CHN2: variants seen among roughly 807,000 people sequenced by gnomAD.
CHN2 encodes the protein chimerin 2, also known as beta-chimaerin.
A neutral mutation model predicts 56.3 loss-of-function variants in CHN2; 35 were observed. The ratio of observed to expected loss-of-function variants is 0.62; its 90% confidence interval spans 0.47 to 0.82. The LOEUF (loss-of-function observed/expected upper bound fraction) is 0.82, where lower values mean the gene tolerates loss of function less well. Ranked by LOEUF, CHN2 falls within the 40% of genes least tolerant of loss-of-function variation. CHN2 has a pLI of 0.00. For synonymous variants in CHN2, 210 were observed against 212.8 expected (o/e 0.99, Z 0.12); for missense variants, 491 against 580.5 (o/e 0.85, Z 1.58).
intron 1 of CHN2, chr7:29,195,595 C>CGAGAGAGAGAGAGAGAGAGAGAGAGA (rs757764659): frequency 3.7e-4 from 36 of 96,086 alleles, no homozygotes; most frequent in Non-Finnish European, 4.6e-4. Context: ...GGCACATTTA[C>CGAGAGAGAGAGAGAGAGAGAGAGAGA]GAGAGAGAGA....
chr7:29,319,735 C>G (rs1167001413), intron 1 of CHN2, among the ~76,000 whole-genome samples: 1 of 152,154 alleles, frequency 6.6e-6, no homozygotes, highest in Non-Finnish European at 1.5e-5. Context: ...CCATGGGTGC[C>G]TGAGGCTGTC....
intron 6 of CHN2, among the ~76,000 whole-genome samples, chr7:29,423,974 T>C (rs1804596637): frequency 6.6e-6 from 1 of 152,224 alleles, no homozygotes. Context: ...AGGACCATTC[T>C]TCTGCCTCCC....
At chr7:29,208,202 C>A (rs1400849002) in intron 1 of CHN2, among the ~76,000 whole-genome samples, 1 of 152,126 alleles carries the variant, frequency 6.6e-6, no homozygotes, top group African/African-American at 2.4e-5. Context: ...CCCTGGGTAG[C>A]CACTTTTTGG....
At chr7:29,164,908 A>G (rs539827000) in intron 2 of CHN2, among the ~76,000 whole-genome samples, 159 of 151,974 alleles carry the variant, frequency 1.0e-3, no homozygotes, top group Non-Finnish European at 1.8e-3. Context: ...ATCTTTGTAT[A>G]TCTATCATTA....
intron 1 of CHN2, among the ~76,000 whole-genome samples, chr7:29,322,832 G>A (rs776027333): frequency 1.1e-4 from 16 of 152,152 alleles, no homozygotes; most frequent in Non-Finnish European, 2.1e-4. Context: ...AATGGGGAAC[G>A]ACCTACCTCC....
At chr7:29,482,809 T>C (rs1362918764) in intron 7 of CHN2, among the ~76,000 whole-genome samples, 5 of 19,662 alleles carry the variant, frequency 2.5e-4, no homozygotes, top group South Asian at 5.7e-3. Context: ...TTTTTTTTTT[T>C]TTTTTTTTTT....
intron 6 of CHN2, among the ~76,000 whole-genome samples, chr7:29,417,211 G>A (rs1803849216): frequency 6.6e-6 from 1 of 151,904 alleles, no homozygotes; most frequent in Non-Finnish European, 1.5e-5. Context: ...GTATTTCCAA[G>A]GTACTTCATC....
Position 29,512,765 on chromosome 7 carries a change from A to G in CHN2, c.*30A>G. ...TCAGGGAAATGAGCTGAATGGCCCC[A>G]GCACCATCCAAGTTGACACAGCTAA... On this transcript the variant is annotated 3_prime_UTR_variant, in exon 13 of 13. Transcript: ENST00000222792. The G allele has an allele frequency of 6.3e-7, 1 of 1,593,614 alleles. No homozygotes were observed. Among genetic ancestry groups the G allele is most frequent in the Non-Finnish European group, 8.5e-7 (1 of 1,171,030 alleles).
At chr7:29,343,418 A>G (rs1797193549) in intron 1 of CHN2, among the ~76,000 whole-genome samples, 1 of 151,860 alleles carries the variant, frequency 6.6e-6, no homozygotes, top group Non-Finnish European at 1.5e-5. Flanking sequence ...TATTGCCACC[A>G]TTTGCTTTCA....
chr7:29,438,059 A>C (rs776936744), intron 6 of CHN2, among the ~76,000 whole-genome samples: 1 of 152,208 alleles, frequency 6.6e-6, no homozygotes, highest in Non-Finnish European at 1.5e-5. Context: ...TGTAGATTTG[A>C]GAGTGGAACA....
At chr7:29,198,654 T>A (rs1783924123) in intron 1 of CHN2, among the ~76,000 whole-genome samples, 1 of 152,230 alleles carries the variant, frequency 6.6e-6, no homozygotes, top group African/African-American at 2.4e-5. Context: ...AAGCTTCTAA[T>A]TTAGCCTGTG....
At chr7:29,353,489 A>C (rs1798040943) in intron 1 of CHN2, among the ~76,000 whole-genome samples, 2 of 152,180 alleles carry the variant, frequency 1.3e-5, no homozygotes, top group South Asian at 4.1e-4. Flanking sequence ...TGCCGTCTCA[A>C]CCAAAACTAT....
intron 1 of CHN2, among the ~76,000 whole-genome samples, chr7:29,350,398 C>T (rs1312954392): frequency 6.6e-6 from 1 of 152,088 alleles, no homozygotes; most frequent in Non-Finnish European, 1.5e-5. Context: ...GTTGGAGGCA[C>T]TAAAGATTAG....
intron 1 of CHN2, among the ~76,000 whole-genome samples, chr7:29,252,514 C>T (rs1387401560): frequency 1.4e-5 from 2 of 145,138 alleles, no homozygotes; most frequent in Non-Finnish European, 3.0e-5. Context: ...ACGAGATAGT[C>T]TGTAAGTACT....
intron 1 of CHN2, among the ~76,000 whole-genome samples, chr7:29,312,812 T>C (rs1486345463): frequency 6.6e-6 from 1 of 152,148 alleles, no homozygotes; most frequent in Non-Finnish European, 1.5e-5. Context: ...AATGGAGTCT[T>C]ACAGGAATAG....
At position 29,513,621 on chromosome 7, in the gene CHN2, C is replaced by G. The variant is rs572284860; in HGVS notation, c.*886C>G. On this transcript the variant is annotated 3_prime_UTR_variant, in exon 13 of 13. Transcript: ENST00000222792. ...TCTGTGTAAAAAGTTAGCACTTACC[C>G]TCTTTTCTTCCTGGCCAAGCCCTCT... 3.9e-5 allele frequency: 6 copies of G among 152,336 alleles called. No homozygotes were observed. The highest frequency in any genetic ancestry group is 1.4e-4 in the African/African-American group (6 of 41,568). The allele number at this position is 152,336 out of a possible 1,614,324, so 9.4% of individuals were successfully genotyped here.
At chr7:29,282,199 A>G (rs550633722) in intron 1 of CHN2, among the ~76,000 whole-genome samples, 14 of 152,322 alleles carry the variant, frequency 9.2e-5, no homozygotes, top group African/African-American at 3.4e-4. Context: ...TATTAGGTGA[A>G]AGAAAGAATG....
intron 7 of CHN2, among the ~76,000 whole-genome samples, chr7:29,486,245 G>A (rs551323834): frequency 6.6e-6 from 1 of 152,320 alleles, no homozygotes; most frequent in Admixed American, 6.5e-5. Context: ...CCCACAAGCT[G>A]TTCATTCACG....
At chr7:29,171,396 C>T (rs1398797615) in intron 2 of CHN2, among the ~76,000 whole-genome samples, 2 of 152,140 alleles carry the variant, frequency 1.3e-5, no homozygotes, top group South Asian at 2.1e-4. Flanking sequence ...GAATAAACAA[C>T]GGCATTAGCC....
Sources: allele counts gnomAD v4.1 joint callset (sites outside exome capture counted in the v4.1 genomes callset), GRCh38; gene constraint gnomAD v4.1.1; transcripts MANE v1.5; gene names NCBI Gene and HGNC (gene_info 2026-07-23, HGNC 2026-07-21).